The following C2orf49 variants were observed in gnomAD, a reference collection of about 807,000 sequenced individuals.
The protein encoded by C2orf49 is tRNA splicing ligase complex subunit 2.
Under a neutral mutation model 20.6 loss-of-function variants are expected in C2orf49, and 11 were observed. The observed-to-expected ratio is 0.53, with a 90% CI of 0.34 to 0.88. The LOEUF is 0.88. Ranked by LOEUF, C2orf49 falls within the 40% of genes least tolerant of loss-of-function variation. The probability of loss-of-function intolerance (pLI) is 0.02; values close to 1 mark genes in which losing one functional copy is unlikely to be tolerated. For synonymous variants in C2orf49, 134 were observed against 108.5 expected (o/e 1.24, Z -1.46); for missense variants, 289 against 274.2 (o/e 1.05, Z -0.38).
rs912722696 is a variant in C2orf49 at position 105,343,160 on chromosome 2, C to T, written c.579C>T (p.Ser193=). 1.9e-6 allele frequency: 3 copies of T among 1,613,802 alleles called. No homozygotes were observed. Among genetic ancestry groups the T allele is most frequent in the African/African-American group, 2.7e-5 (2 of 74,882 alleles). ...PSGPVKSPPL[S]PVGTTPVKLK... is the part of the protein sequence containing the mutation. The stretch of plus-strand genomic sequence containing the variant: ...GCCCTGTGAAGTCGCCACCATTGTC[C>T]CCTGTTGGAACTACTCCAGTGAAGT... The change falls in exon 3 of 4, where the codon TCC becomes TCT. Residue 193 remains serine (S), a synonymous_variant. Coordinates refer to ENST00000258457, the MANE Select transcript of C2orf49 (RefSeq NM_024093.3).
chr2:105,369,289 C>T, the C2orf49 span, among the ~76,000 whole-genome samples: 1 of 152,168 alleles, frequency 6.6e-6, no homozygotes, highest in Non-Finnish European at 1.5e-5. Context: ...ATAGACTAGT[C>T]CATAGCTCTC....
At chr2:105,344,684 A>G (rs960282744) in intron 3 of C2orf49, among the ~76,000 whole-genome samples, 2 of 151,912 alleles carry the variant, frequency 1.3e-5, no homozygotes, top group African/African-American at 2.4e-5. Flanking sequence ...GGTTCAAGCA[A>G]TCCTCCTGCC....
intron 3 of C2orf49, 132 bp downstream of exon 3, chr2:105,343,355 A>G: frequency 3.8e-6 from 3 of 780,356 alleles, no homozygotes; most frequent in Non-Finnish European, 5.7e-6. Flanking sequence ...TCTGATTTGT[A>G]TAATACAACT....
At chr2:105,358,994 G>C in the C2orf49 span, 13 of 152,266 alleles carry the variant, frequency 8.5e-5, 1 homozygote, top group East Asian at 1.9e-3. Context: ...CCCTGGCGGG[G>C]GCCTGCCATT....
chr2:105,382,183 G>A, the C2orf49 span, among the ~76,000 whole-genome samples: 1 of 152,178 alleles, frequency 6.6e-6, no homozygotes, highest in East Asian at 1.9e-4. Flanking sequence ...ACAAAAGCTG[G>A]AAAGAGAGTT....
rs772862927 is a variant in C2orf49, at chr2:105,345,360, A to G, written c.688A>G (p.Thr230Ala). ...PQAKRKIQHV[T>A]WP ...AGCAAAAAGGAAGATACAACATGTT[A>G]CTTGGCCCTGAAGAAAAGTTTCCAA... The change falls in exon 4 of 4, where the codon ACT becomes GCT. Residue 230 changes from threonine to alanine, a missense_variant. By Grantham distance (58) the Thr-to-Ala change is moderately conservative. Transcript: ENST00000258457. 1 of 1,612,954 alleles carries G rather than the reference A, an allele frequency of 6.2e-7. No individual in the cohort carries two copies. Among genetic ancestry groups the G allele is most frequent in the Admixed American group, 1.7e-5 (1 of 59,824 alleles).
chr2:105,342,914 A>G lies in C2orf49; in HGVS notation c.333A>G (p.Thr111=). The G allele has an allele frequency of 6.2e-7, 1 of 1,614,224 alleles. No homozygotes were observed. The highest frequency in any genetic ancestry group is 8.5e-7 in the Non-Finnish European group (1 of 1,180,030). The change falls in exon 3 of 4, where the codon ACA becomes ACG. Residue 111 remains threonine, a synonymous_variant. Coordinates refer to ENST00000258457, the MANE Select transcript of C2orf49 (RefSeq NM_024093.3). ...LIVFDGSSTS[T]SIKVKKTENG... is the part of the protein sequence containing the mutation. The stretch of plus-strand genomic sequence containing the variant: ...TATTTGATGGAAGTTCAACAAGTAC[A>G]AGCATAAAAGTGAAAAAGACAGAGA...
At chr2:105,373,426 C>G in the C2orf49 span, 4 of 872,284 alleles carry the variant, frequency 4.6e-6, no homozygotes, top group South Asian at 6.0e-5. Context: ...AAATACTCCT[C>G]TGCAGTTCAA....
intron 3 of C2orf49, among the ~76,000 whole-genome samples, chr2:105,343,713 C>T (rs1679735543): frequency 6.6e-6 from 1 of 152,076 alleles, no homozygotes; most frequent in African/African-American, 2.4e-5. Flanking sequence ...CTCAATTTAC[C>T]TAGCTTTGTG....
chr2:105,364,023 G>C, the C2orf49 span, among the ~76,000 whole-genome samples: 1 of 152,148 alleles, frequency 6.6e-6, no homozygotes, highest in East Asian at 1.9e-4. Context: ...TTGGGAGGCC[G>C]AGGCAGGTGG....
the C2orf49 span, among the ~76,000 whole-genome samples, chr2:105,365,284 A>G: frequency 2.0e-5 from 3 of 152,110 alleles, no homozygotes; most frequent in Admixed American, 2.0e-4. Flanking sequence ...CACCTAGACT[A>G]CAGTTAAGTG....
At chr2:105,365,550 G>A in the C2orf49 span, among the ~76,000 whole-genome samples, 1 of 152,024 alleles carries the variant, frequency 6.6e-6, no homozygotes, top group Non-Finnish European at 1.5e-5. Flanking sequence ...AAAATAAAAA[G>A]GGGAGAGAAC....
chr2:105,351,907 G>T (rs974669528), downstream of C2orf49, among the ~76,000 whole-genome samples: 1 of 152,102 alleles, frequency 6.6e-6, no homozygotes, highest in Non-Finnish European at 1.5e-5. Context: ...ATTTCTATAT[G>T]TAACCATCTG....
chr2:105,363,253 G>T, the C2orf49 span: 1 of 1,608,240 alleles, frequency 6.2e-7, no homozygotes, highest in South Asian at 1.1e-5. Flanking sequence ...GCTTCCAATC[G>T]CCCCTGGAAA....
the C2orf49 span, chr2:105,378,812 G>A: frequency 6.6e-6 from 1 of 152,268 alleles, no homozygotes; most frequent in Admixed American, 6.5e-5. Flanking sequence ...GTTTTGTGGT[G>A]TACAATAACT....
chr2:105,383,101 G>C, the C2orf49 span, among the ~76,000 whole-genome samples: 1 of 152,182 alleles, frequency 6.6e-6, no homozygotes, highest in South Asian at 2.1e-4. Context: ...GGCCAGGCTG[G>C]TCTCCAGCTC....
downstream of C2orf49, among the ~76,000 whole-genome samples, chr2:105,352,429 G>GTTTTTTTTTTTTTTTTTTTTTTGTTTT (rs61585149): frequency 1.2e-5 from 1 of 80,758 alleles, no homozygotes; most frequent in Non-Finnish European, 2.1e-5. Context: ...GTTTGTTTGG[G>GTTTTTTTTTTTTTTTTTTTTTTGTTTT]TTTTTTTTTT....
chr2:105,357,919 C>T, the C2orf49 span: 1 of 152,154 alleles, frequency 6.6e-6, no homozygotes, highest in Non-Finnish European at 1.5e-5. Context: ...GATTTCTGCT[C>T]TTTGCTGATG....
At position 105,343,166 on chromosome 2, in the gene C2orf49, T is replaced by C; in HGVS notation, c.585T>C (p.Val195=). Residue 195 remains valine, a synonymous_variant, in exon 3 of 4, where the codon GTT becomes GTC. Coordinates refer to ENST00000258457, the MANE Select transcript of C2orf49 (RefSeq NM_024093.3). Reference sequence around the variant, plus strand: ...TGAAGTCGCCACCATTGTCCCCTGTTGGAACTACTCCAGTGAAGTTAAAGA... The same window carrying C: ...TGAAGTCGCCACCATTGTCCCCTGTCGGAACTACTCCAGTGAAGTTAAAGA... ...GPVKSPPLSP[V]GTTPVKLKRA... The C allele has an allele frequency of 1.2e-6, 2 of 1,613,874 alleles. No homozygotes were observed. The highest frequency in any genetic ancestry group is 1.7e-6 in the Non-Finnish European group (2 of 1,179,926).
Sources: gnomAD v4.1 joint callset for allele counts (sites outside exome capture counted in the v4.1 genomes callset) on GRCh38, gnomAD v4.1.1 for gene constraint, MANE v1.5 for transcripts, NCBI Gene and HGNC (gene_info 2026-07-23, HGNC 2026-07-21) for gene names.